Variants in FAM193B observed in about 807,000 individuals in gnomAD.
The protein encoded by FAM193B is family with sequence similarity 193 member B, also known as protein FAM193B.
A neutral mutation model predicts 70.7 loss-of-function variants in FAM193B; 27 were observed. That is an observed-to-expected ratio of 0.38 (90% CI 0.28 to 0.53). FAM193B has a LOEUF of 0.53. Among genes scored for constraint, FAM193B ranks in the 20% least tolerant of loss-of-function variants. The pLI is 0.81. For missense variants in FAM193B, 1,022 were observed against 1,072.5 expected (o/e 0.95, Z 0.66); for synonymous variants, 448 against 436.0 (o/e 1.03, Z -0.34).
rs543489426 is a variant in FAM193B, at chr5:177,538,608, C to T, written c.453+297G>A. Among the ~76,000 whole-genome samples the T allele has an allele frequency of 6.6e-6, 1 of 152,328 alleles. No homozygotes were observed. The highest frequency in any genetic ancestry group is 1.5e-5 in the Non-Finnish European group (1 of 68,038). The stretch of plus-strand genomic sequence containing the variant: ...CTGTCTCCCATGTCATACTGGTTGG[C>T]TTTCAAGCTGCCACAGAGCCGAAGG... On this transcript the variant is annotated intron_variant, in intron 2 of 8. Coordinates refer to ENST00000514747, the MANE Select transcript of FAM193B (RefSeq NM_001190946.3). The surrounding 1 kb of genome is among the most constrained non-coding windows in gnomAD (Gnocchi z 4.1).
Position 177,536,623 on chromosome 5 carries a change from A to G in FAM193B, c.811T>C (p.Ser271Pro). The change falls in exon 4 of 9, where the codon TCC (serine) becomes CCC (proline). Residue 271 changes from serine (S) to proline (P), a missense_variant. Transcript: ENST00000514747. ...LIPSHPSSFG[S>P]PPHPHLLPTT... ...GGCAGCAGGTGTGGGTGGGGTGGGG[A>G]GCCAAAGGAGCTGGGGTGAGACGGG... The G allele has an allele frequency of 6.4e-7, 1 of 1,555,180 alleles. No homozygotes were observed. The highest frequency in any genetic ancestry group is 8.6e-7 in the Non-Finnish European group (1 of 1,158,486).
In FAM193B at chr5:177,554,507, C is replaced by CCGCCGT; in HGVS notation, c.-50_-49insACGGCG. The CCGCCGT allele has an allele frequency of 1.1e-6, 1 of 869,828 alleles. No individual in the cohort carries two copies. Among genetic ancestry groups the CCGCCGT allele is most frequent in the Non-Finnish European group, 1.4e-6 (1 of 723,266 alleles). 53.9% of individuals were successfully genotyped at this position (869,828 alleles called of 1,614,324 possible). A position where few individuals can be genotyped will look rare whatever the true frequency, so the allele number is the denominator to read the frequency against. On this transcript the variant is annotated 5_prime_UTR_variant, in exon 1 of 9. Transcript: ENST00000514747. ...GCTCCACACGCCGCCGCCGCCGCCG[C>CCGCCGT]CGCCGCCGCCGCCGCCGCCGCCGCT...
chr5:177,539,203 T>G, intron 1 of FAM193B, 56 bp from the exon 2 acceptor site: 1 of 1,483,202 alleles, frequency 6.7e-7, no homozygotes, highest in East Asian at 2.5e-5. Flanking sequence ...TCCTTCAAAA[T>G]AATAGTAACA....
rs751442348 is a variant in FAM193B at position 177,524,956 on chromosome 5, C to A, written c.1525G>T (p.Glu509Ter). Residue 509 changes from glutamate to a stop codon, truncating the protein, a stop_gained, in exon 6 of 9, where the codon GAG (glutamate) becomes TAG (stop). Coordinates refer to ENST00000514747, the MANE Select transcript of FAM193B (RefSeq NM_001190946.3). LOFTEE classifies it high-confidence loss of function. ...SNGFSKEGAAEPEPQSLPPSN... is the reference protein window; with the variant it reads ...SNGFSKEGAA ...GGGGGTAGACTCTGAGGCTCAGGCT[C>A]AGCAGCCCCCTCCTTAGAGAAGCCA... 6.6e-7 allele frequency: 1 copy of A among 1,508,068 alleles called. No homozygotes were observed. Among genetic ancestry groups the A allele is most frequent in the Non-Finnish European group, 8.9e-7 (1 of 1,129,396 alleles). 93.4% of individuals were successfully genotyped at this position (1,508,068 alleles called of 1,614,324 possible).
At chr5:177,521,428 T>C (rs1347970552) in intron 8 of FAM193B, among the ~76,000 whole-genome samples, 1 of 152,216 alleles carries the variant, frequency 6.6e-6, no homozygotes, top group Non-Finnish European at 1.5e-5. Context: ...ACCAATATCC[T>C]CATGGAGCTT....
intron 5 of FAM193B, among the ~76,000 whole-genome samples, chr5:177,526,328 G>A (rs1411861099): frequency 6.6e-6 from 1 of 152,222 alleles, no homozygotes; most frequent in Non-Finnish European, 1.5e-5. Flanking sequence ...GAGGACAGCT[G>A]AGAGTCTGTG....
chr5:177,539,134 G>A lies in FAM193B; in HGVS notation c.224C>T (p.Ser75Phe). 3 of 1,574,490 alleles carry A rather than the reference G, an allele frequency of 1.9e-6. No homozygotes were observed. The highest frequency in any genetic ancestry group is 2.6e-6 in the Non-Finnish European group (3 of 1,159,750). Residue 75 changes from serine (S) to phenylalanine (F), a missense_variant, in exon 2 of 9, where the codon TCC (serine) becomes TTC (phenylalanine). Physicochemically the swap from Ser to Phe is radical, Grantham distance 155. Coordinates refer to ENST00000514747, the MANE Select transcript of FAM193B (RefSeq NM_001190946.3). Reference sequence around the variant, plus strand: ...GCAGCAAGTCTGCACAGGCTGGCTGGAGGCGGGGGGGACCTGTCCAACAGA... The same window carrying A: ...GCAGCAAGTCTGCACAGGCTGGCTGAAGGCGGGGGGGACCTGTCCAACAGA... ...LVPGPQVPPA[S>F]SQPVQTCCLL...
chr5:177,536,593 TG>T lies in FAM193B; in HGVS notation c.840del (p.Thr281ProfsTer40). The T allele has an allele frequency of 6.6e-7, 1 of 1,504,568 alleles. No homozygotes were observed. Among genetic ancestry groups the T allele is most frequent in the Non-Finnish European group, 8.8e-7 (1 of 1,135,272 alleles). 93.2% of individuals were successfully genotyped at this position (1,504,568 alleles called of 1,614,324 possible). A position where few individuals can be genotyped will look rare whatever the true frequency, so the allele number is the denominator to read the frequency against. On this transcript the variant is annotated frameshift_variant, in exon 4 of 9. Coordinates refer to ENST00000514747, the MANE Select transcript of FAM193B (RefSeq NM_001190946.3). LOFTEE classifies it high-confidence loss of function. ...GSPPHPHLLP[T>X]TPAAPFPAQA... Reference sequence around the variant, plus strand: ...TGGGCAGGGAAAGGTGCTGCCGGGGTGGTGGGCAGCAGGTGTGGGTGGGGTG... The same window carrying T: ...TGGGCAGGGAAAGGTGCTGCCGGGGTGTGGGCAGCAGGTGTGGGTGGGGTG...
rs1468554367 is a variant in FAM193B at position 177,554,434 on chromosome 5, T to G, written c.25A>C (p.Ser9Arg). 5.6e-6 allele frequency: 6 copies of G among 1,066,492 alleles called. No individual in the cohort carries two copies. The highest frequency in any genetic ancestry group is 6.8e-6 in the Non-Finnish European group (6 of 885,770). The allele number at this position is 1,066,492 out of a possible 1,614,324, so 66.1% of individuals were successfully genotyped here. The change falls in exon 1 of 9, where the codon AGC becomes CGC. Residue 9 changes from serine to arginine, a missense_variant. Ser to Arg is a moderately radical substitution (Grantham distance 110, BLOSUM62 -1). Transcript: ENST00000514747. Reference sequence around the variant, plus strand: ...CGCTCGCGCCTGCCCGCACCGCCGCTCGGCCTGCTCCGCCTCCGCGTCATG... The same window carrying G: ...CGCTCGCGCCTGCCCGCACCGCCGCGCGGCCTGCTCCGCCTCCGCGTCATG... MTRRRSRP[S>R]GGAGRRERAR... is the part of the protein sequence containing the mutation.
chr5:177,534,329 G>C (rs1451539581), intron 4 of FAM193B, among the ~76,000 whole-genome samples: 1 of 130,738 alleles, frequency 7.6e-6, no homozygotes, highest in Non-Finnish European at 1.6e-5. Flanking sequence ...GTCTCGCTCT[G>C]TTGCCCAAGC....
rs764539011 is a variant in FAM193B, at chr5:177,536,438, G to A, written c.996C>T (p.Pro332=). 2.4e-5 allele frequency: 38 copies of A among 1,595,006 alleles called. No homozygotes were observed. The highest frequency in any genetic ancestry group is 3.2e-5 in the Non-Finnish European group (38 of 1,174,260). The change falls in exon 4 of 9, where the codon CCC becomes CCT. Residue 332 remains proline (P), a synonymous_variant. Transcript: ENST00000514747. ...AGTGCCCACCACAGTGCCCGCTGCAGGGGTGGCTGCACCCCGAGAATGGTG... is the reference window on the plus strand; with the variant it reads ...AGTGCCCACCACAGTGCCCGCTGCAAGGGTGGCTGCACCCCGAGAATGGTG... ...MPPPFSGCSH[P]CSGHCGGHCS... is the part of the protein sequence containing the mutation.
Position 177,532,319 on chromosome 5 carries a change from G to A in FAM193B, c.1275+124C>T. On this transcript the variant is annotated intron_variant, in intron 5 of 8. Transcript: ENST00000514747. The surrounding 1 kb of genome is among the most constrained non-coding windows in gnomAD (Gnocchi z 4.9). The stretch of plus-strand genomic sequence containing the variant: ...ATCAAGCGAGCAGACGCAGGTGCAA[G>A]GACTCACGGCCCCAGCACGGTAATT... The A allele has an allele frequency of 6.7e-7, 1 of 1,489,154 alleles. No homozygotes were observed. Among genetic ancestry groups the A allele is most frequent in the South Asian group, 1.3e-5 (1 of 78,100 alleles). 92.2% of individuals were successfully genotyped at this position (1,489,154 alleles called of 1,614,324 possible). A position where few individuals can be genotyped will look rare whatever the true frequency, so the allele number is the denominator to read the frequency against.
In FAM193B at chr5:177,535,779, T is replaced by C. The variant is rs575317372; in HGVS notation, c.1076+579A>G. Among the ~76,000 whole-genome samples the C allele has an allele frequency of 6.4e-4, 97 of 152,358 alleles. 2 individuals carry two copies. The South Asian group carries it at 0.02, about 31-fold the overall frequency. On this transcript the variant is annotated intron_variant, in intron 4 of 8. Transcript: ENST00000514747. Reference sequence around the variant, plus strand: ...GAAAGGTATATCAAATATCTAAGTATGTTATTTATATACAGAAACATGGTG... The same window carrying C: ...GAAAGGTATATCAAATATCTAAGTACGTTATTTATATACAGAAACATGGTG...
intron 1 of FAM193B, among the ~76,000 whole-genome samples, chr5:177,543,094 C>A (rs1370998305): frequency 6.6e-6 from 1 of 152,190 alleles, no homozygotes; most frequent in East Asian, 1.9e-4. Context: ...AGACTGCATT[C>A]TTTAGGGATT....
intron 1 of FAM193B, among the ~76,000 whole-genome samples, chr5:177,548,177 G>C (rs1057197244): frequency 2.0e-4 from 30 of 152,218 alleles, no homozygotes; most frequent in African/African-American, 7.2e-4. Context: ...CTTTGCTCTA[G>C]GATATCCTAA....
chr5:177,546,932 G>A (rs1028042609), intron 1 of FAM193B, among the ~76,000 whole-genome samples: 33 of 152,190 alleles, frequency 2.2e-4, no homozygotes, highest in Admixed American at 1.3e-4. Context: ...GAATCCTCAG[G>A]TCAAACTGCC....
chr5:177,545,731 AT>A (rs889942592), intron 1 of FAM193B, among the ~76,000 whole-genome samples: 2 of 151,908 alleles, frequency 1.3e-5, no homozygotes, highest in African/African-American at 2.4e-5. Flanking sequence ...TCTGTCCACA[AT>A]TTGGGAATAA....
chr5:177,532,424 C>A lies in FAM193B; in HGVS notation c.1275+19G>T. ...TTGGCTGGCCCCCAGCCCTCTCTAG[C>A]CTGGGCAGGCTCACTCACCGCATTG... On this transcript the variant is annotated intron_variant, in intron 5 of 8. Transcript: ENST00000514747. The surrounding 1 kb of genome is among the most constrained non-coding windows in gnomAD (Gnocchi z 4.9). 1 of 1,603,070 alleles carries A rather than the reference C, an allele frequency of 6.2e-7. No homozygotes were observed. Among genetic ancestry groups the A allele is most frequent in the Non-Finnish European group, 8.5e-7 (1 of 1,175,830 alleles).
At chr5:177,549,607 C>G (rs1168369979) in intron 1 of FAM193B, among the ~76,000 whole-genome samples, 1 of 152,256 alleles carries the variant, frequency 6.6e-6, no homozygotes, top group African/African-American at 2.4e-5. Context: ...TGCTATATCT[C>G]CTTCTAGCAT....
Sources: gnomAD v4.1 joint callset for allele counts (sites outside exome capture counted in the v4.1 genomes callset) on GRCh38, gnomAD v4.1.1 for gene constraint, Gnocchi (gnomAD v3.1) non-coding constraint, MANE v1.5 for transcripts, NCBI Gene and HGNC (gene_info 2026-07-23, HGNC 2026-07-21) for gene names.